C10orf90: variants seen among roughly 807,000 people sequenced by gnomAD.
C10orf90 encodes the protein (E2-independent) E3 ubiquitin-conjugating enzyme FATS.
Under a neutral mutation model 62.5 loss-of-function variants are expected in C10orf90, and 56 were observed. The ratio of observed to expected loss-of-function variants is 0.90; its 90% CI spans 0.72 to 1.12. C10orf90 has a LOEUF of 1.12. Among genes scored for constraint, C10orf90 ranks in the 50% most tolerant of loss-of-function variants. The pLI is 0.00. For missense variants in C10orf90, 970 were observed against 880.4 expected, an observed-to-expected ratio of 1.10 and a Z score of -1.29; for synonymous variants, 386 against 340.4, an observed-to-expected ratio of 1.13 and a Z score of -1.47.
intron 2 of C10orf90, among the ~76,000 whole-genome samples, chr10:126,614,593 T>C (rs936816947): frequency 1.3e-5 from 2 of 152,158 alleles, no homozygotes; most frequent in African/African-American, 2.4e-5. Flanking sequence ...AGACCAGTTC[T>C]ACCATGCTTA....
intron 2 of C10orf90, among the ~76,000 whole-genome samples, chr10:126,518,454 T>C (rs1863559604): frequency 6.6e-6 from 1 of 151,908 alleles, no homozygotes; most frequent in Admixed American, 6.6e-5. Flanking sequence ...CAAAAACCAC[T>C]CCACGACTTT....
At chr10:126,538,234 TA>T (rs1046873707) in intron 2 of C10orf90, among the ~76,000 whole-genome samples, 6 of 152,156 alleles carry the variant, frequency 3.9e-5, no homozygotes, top group African/African-American at 1.4e-4. Flanking sequence ...TGAGACTTAC[TA>T]ACTGTCATGA....
At chr10:126,660,883 G>A (rs1050443197) in intron 1 of C10orf90, among the ~76,000 whole-genome samples, 1 of 152,132 alleles carries the variant, frequency 6.6e-6, no homozygotes, top group African/African-American at 2.4e-5. Flanking sequence ...TTTGTGCATG[G>A]TGATCATTTC....
At chr10:126,560,725 C>T (rs1475910074) in intron 2 of C10orf90, among the ~76,000 whole-genome samples, 1 of 152,156 alleles carries the variant, frequency 6.6e-6, no homozygotes, top group African/African-American at 2.4e-5. Context: ...GCTTTGCAGG[C>T]CATGCTGTCT....
chr10:126,432,751 C>G (rs1857663450), intron 7 of C10orf90, among the ~76,000 whole-genome samples: 1 of 152,226 alleles, frequency 6.6e-6, no homozygotes, highest in African/African-American at 2.4e-5. Flanking sequence ...TGATGCCTTA[C>G]AGCTGCCTGG....
At chr10:126,528,329 G>C (rs938369310) in intron 2 of C10orf90, among the ~76,000 whole-genome samples, 1 of 152,136 alleles carries the variant, frequency 6.6e-6, no homozygotes, top group Non-Finnish European at 1.5e-5. Context: ...GGGAGTTTTA[G>C]AAGCATCAAA....
intron 2 of C10orf90, among the ~76,000 whole-genome samples, chr10:126,527,377 C>A (rs545717938): frequency 6.6e-6 from 1 of 152,216 alleles, no homozygotes; most frequent in Admixed American, 6.5e-5. Context: ...AAATGTCTAT[C>A]CAGATCCTTT....
chr10:126,633,871 A>T (rs1845898385), intron 2 of C10orf90, among the ~76,000 whole-genome samples: 1 of 152,264 alleles, frequency 6.6e-6, no homozygotes, highest in Admixed American at 6.5e-5. Flanking sequence ...TAATTTAAAA[A>T]TTAATGATTA....
intron 4 of C10orf90, among the ~76,000 whole-genome samples, 175 bp downstream of exon 4, chr10:126,503,782 A>G (rs962644748): frequency 1.3e-5 from 2 of 152,202 alleles, no homozygotes; most frequent in Admixed American, 1.3e-4. Flanking sequence ...AAAAAAATCT[A>G]TCCAATCAGA....
At chr10:126,629,553 T>C (rs1256675219) in intron 2 of C10orf90, among the ~76,000 whole-genome samples, 1 of 152,144 alleles carries the variant, frequency 6.6e-6, no homozygotes, top group Non-Finnish European at 1.5e-5. Context: ...GATGCAGACA[T>C]CTGAAGGGAT....
At chr10:126,563,125 C>T (rs1302138117) in intron 2 of C10orf90, among the ~76,000 whole-genome samples, 4 of 152,216 alleles carry the variant, frequency 2.6e-5, no homozygotes, top group South Asian at 2.1e-4. Context: ...ATTCCCCACC[C>T]GCACTCCAGC....
intron 2 of C10orf90, among the ~76,000 whole-genome samples, chr10:126,549,524 C>A (rs1564867379): frequency 6.6e-6 from 1 of 152,110 alleles, no homozygotes; most frequent in Non-Finnish European, 1.5e-5. Context: ...CAAATTCTGG[C>A]AAGGACACAG....
chr10:126,626,636 T>C (rs1011581758), intron 2 of C10orf90, among the ~76,000 whole-genome samples: 24 of 152,236 alleles, frequency 1.6e-4, no homozygotes, highest in Admixed American at 5.9e-4. Flanking sequence ...GAAATAATGA[T>C]TGATCTTTGA....
chr10:126,572,995 A>G (rs1372795814), intron 2 of C10orf90, among the ~76,000 whole-genome samples: 1 of 152,146 alleles, frequency 6.6e-6, no homozygotes, highest in African/African-American at 2.4e-5. Context: ...TTACTTTTCT[A>G]ATAAACTTGC....
At chr10:126,594,418 G>A (rs1179865936) in intron 2 of C10orf90, among the ~76,000 whole-genome samples, 3 of 152,086 alleles carry the variant, frequency 2.0e-5, no homozygotes, top group Non-Finnish European at 4.4e-5. Flanking sequence ...GATGAGTGTG[G>A]ACAGGGGACA....
intron 4 of C10orf90, among the ~76,000 whole-genome samples, chr10:126,498,739 A>G (rs1225432475): frequency 2.0e-5 from 3 of 152,198 alleles, no homozygotes; most frequent in Non-Finnish European, 2.9e-5. Context: ...AAGTTCACAT[A>G]TCTTCCTGGG....
At chr10:126,620,279 T>C (rs1201050472) in intron 2 of C10orf90, among the ~76,000 whole-genome samples, 1 of 152,172 alleles carries the variant, frequency 6.6e-6, no homozygotes, top group African/African-American at 2.4e-5. Context: ...GCAAGCAAAC[T>C]TTTATACAAA....
At chr10:126,493,797 C>A (rs761329253) in intron 4 of C10orf90, among the ~76,000 whole-genome samples, 1 of 152,220 alleles carries the variant, frequency 6.6e-6, no homozygotes, top group Non-Finnish European at 1.5e-5. Context: ...TTACCAGCTG[C>A]GCCAACAGCC....
Position 126,599,272 on chromosome 10 carries a change from G to A in C10orf90, c.313+47293C>T, listed in dbSNP as rs186883704. Among the ~76,000 whole-genome samples, 1,174 of 148,616 alleles carry A rather than the reference G, an allele frequency of 7.9e-3. 21 individuals are homozygous for A. The highest frequency in any genetic ancestry group is 0.028 in the Middle Eastern group (8 of 284). On this transcript the variant is annotated intron_variant, in intron 2 of 9. Coordinates refer to ENST00000488181, the MANE Select transcript of C10orf90 (RefSeq NM_001350921.2). ...GGGATCTCAGCTTACTGCAAGCTTC[G>A]CCTCCCGGGTTCACGCCATTCTCCT...
Sources: gnomAD v4.1 joint callset for allele counts (sites outside exome capture counted in the v4.1 genomes callset) on GRCh38, gnomAD v4.1.1 for gene constraint, MANE v1.5 for transcripts, NCBI Gene and HGNC (gene_info 2026-07-23, HGNC 2026-07-21) for gene names.